The following DDX5 variants were observed in gnomAD, a reference collection of about 807,000 sequenced individuals.
DDX5 encodes probable ATP-dependent RNA helicase DDX5.
DDX5 carries 6 observed loss-of-function variants against 68.6 expected under a neutral mutation model. The observed-to-expected ratio is 0.09, with a 90% CI of 0.05 to 0.17. The LOEUF (loss-of-function observed/expected upper bound fraction) is 0.17. Among genes scored for constraint, DDX5 ranks in the 10% least tolerant of loss-of-function variants. The pLI is 1.00. For missense variants in DDX5, 499 were observed against 756.1 expected (o/e 0.66, Z 3.99); for synonymous variants, 350 against 247.0 (o/e 1.42, Z -3.91).
upstream of DDX5, chr17:64,506,319 A>G: frequency 1.3e-6 from 2 of 1,489,718 alleles, no homozygotes; most frequent in Non-Finnish European, 1.8e-6. Flanking sequence ...CCGCTTTTAT[A>G]GTCTGGACCG....
In DDX5 at chr17:64,506,254, G is replaced by C. The variant is rs1266747970; in HGVS notation, c.-135C>G. ...AAGGACACCGATGACACCAGCCGAA[G>C]CTGCACTACTAGAGACCGGTAGAAA... is the stretch of plus-strand genomic sequence containing the variant. On this transcript the variant is annotated 5_prime_UTR_variant, in exon 1 of 13. Coordinates refer to ENST00000225792, the MANE Select transcript of DDX5 (RefSeq NM_004396.5). 5 of 1,547,154 alleles carry C rather than the reference G, an allele frequency of 3.2e-6. No homozygotes were observed. The highest frequency in any genetic ancestry group is 2.4e-5 in the East Asian group (1 of 41,000).
intron 1 of DDX5, chr17:64,505,423 A>C (rs2038441013): frequency 1.8e-6 from 1 of 545,272 alleles, no homozygotes; most frequent in African/African-American, 1.9e-5. Context: ...AAAGAAAAGG[A>C]GGAGCCGGCG....
Position 64,504,215 on chromosome 17 carries a change from C to A in DDX5, c.307+7G>T. On this transcript the variant is annotated splice_region_variant and intron_variant, in intron 3 of 12. Transcript: ENST00000225792. ...ACGGGTAGGTAGAACTGAAAAGTAGCACTTACCAGGGAAATTGGCTTCATA... is the reference window on the plus strand; with the variant it reads ...ACGGGTAGGTAGAACTGAAAAGTAGAACTTACCAGGGAAATTGGCTTCATA... 6.2e-7 allele frequency: 1 copy of A among 1,613,676 alleles called. No homozygotes were observed. Among genetic ancestry groups the A allele is most frequent in the East Asian group, 2.2e-5 (1 of 44,870 alleles).
chr17:64,500,683 G>A lies in DDX5; in HGVS notation c.1307C>T (p.Thr436Ile), dbSNP rs1568100508. 6.2e-7 allele frequency: 1 copy of A among 1,614,154 alleles called. No individual in the cohort carries two copies. Residue 436 changes from threonine to isoleucine, a missense_variant, in exon 12 of 13, where the codon ACC becomes ATC. Thr to Ile is a moderately conservative substitution (Grantham distance 89, BLOSUM62 -1). Around this residue, in one of 5 missense-constraint regions of DDX5, gnomAD observed 26 missense variants for 128.2 expected, o/e 0.20. Coordinates refer to ENST00000225792, the MANE Select transcript of DDX5 (RefSeq NM_004396.5). ...IHRIGRTARS[T>I]KTGTAYTFFT... ...GAAAGTGTATGCTGTGCCTGTTTTGGTACTGCGAGCAGTTCTTCCAATTCG... is the reference window on the plus strand; with the variant it reads ...GAAAGTGTATGCTGTGCCTGTTTTGATACTGCGAGCAGTTCTTCCAATTCG...
rs372188251 is a variant in DDX5, at chr17:64,505,730, T to C, written c.44+346A>G. 530 of 1,535,790 alleles carry C rather than the reference T, an allele frequency of 3.5e-4. 3 individuals carry two copies. The African/African-American group carries it at 6.7e-3, about 19-fold the overall frequency. ...AATGCCCGGCCACCCCAAAAACACCTCCCGAAACGCCGCACCTAACAGATG... is the reference window on the plus strand; with the variant it reads ...AATGCCCGGCCACCCCAAAAACACCCCCCGAAACGCCGCACCTAACAGATG... On this transcript the variant is annotated intron_variant, in intron 1 of 12. Coordinates refer to ENST00000225792, the MANE Select transcript of DDX5 (RefSeq NM_004396.5).
Position 64,501,992 on chromosome 17 carries a change from A to G in DDX5, c.1216+18T>C. 6.2e-7 allele frequency: 1 copy of G among 1,612,068 alleles called. No homozygotes were observed. The highest frequency in any genetic ancestry group is 8.5e-7 in the Non-Finnish European group (1 of 1,178,860). On this transcript the variant is annotated intron_variant, in intron 11 of 12. Coordinates refer to ENST00000225792, the MANE Select transcript of DDX5 (RefSeq NM_004396.5). ...GATCTTCTGGGAAACCAAGCCATGA[A>G]TGCGAGTTTGTACTAACCTAGCCCT...
chr17:64,503,383 T>C (rs372112034), intron 6 of DDX5, 35 bp from the exon 7 acceptor site: 61 of 1,613,916 alleles, frequency 3.8e-5, no homozygotes, highest in Non-Finnish European at 4.8e-5. Flanking sequence ...CTACAATACC[T>C]AGGATATTTA....
intron 1 of DDX5, chr17:64,505,524 C>T: frequency 1.6e-6 from 1 of 613,252 alleles, no homozygotes; most frequent in Non-Finnish European, 2.9e-6. Flanking sequence ...GCATTTCTCT[C>T]TGCGCCACAT....
chr17:64,505,608 G>C (rs1322070137), intron 1 of DDX5: 2 of 923,828 alleles, frequency 2.2e-6, no homozygotes, highest in African/African-American at 1.7e-5. Context: ...TCCGAGGCCG[G>C]CATTTTGTAC....
chr17:64,505,516 A>G, intron 1 of DDX5: 1 of 602,998 alleles, frequency 1.7e-6, no homozygotes, highest in South Asian at 2.0e-5. Context: ...TTTGTCTCGC[A>G]TTTCTCTCTG....
chr17:64,506,349 C>T (rs1171336466), upstream of DDX5: 1 of 1,451,008 alleles, frequency 6.9e-7, no homozygotes, highest in Non-Finnish European at 9.1e-7. Context: ...CCGCAGGGAA[C>T]GCTGGGAGCC....
At chr17:64,506,040 A>G in intron 1 of DDX5, 36 bp downstream of exon 1, 2 of 353,486 alleles carry the variant, frequency 5.7e-6, no homozygotes, top group Non-Finnish European at 8.8e-6. Context: ...CCATCCCCCC[A>G]CCCGCCAGGC....
At chr17:64,505,783 C>T (rs2038474197) in intron 1 of DDX5, 1 of 1,536,184 alleles carries the variant, frequency 6.5e-7, no homozygotes, top group East Asian at 2.4e-5. Context: ...AAGCGTCCCG[C>T]TTTCATCCGC....
intron 7 of DDX5, 22 bp from the exon 8 acceptor site, chr17:64,503,120 A>T: frequency 6.2e-7 from 1 of 1,611,384 alleles, no homozygotes; most frequent in South Asian, 1.1e-5. Flanking sequence ...TGGGGGGAAA[A>T]ATTAGTATCA....
In DDX5 at chr17:64,503,852, A is replaced by G; in HGVS notation, c.458T>C (p.Ile153Thr). 1 of 1,614,234 alleles carries G rather than the reference A, an allele frequency of 6.2e-7. No homozygotes were observed. ...GKTLSYLLPA[I>T]VHINHQPFLE... ...GAATGGCTGATGATTGATGTGGACA[A>G]TGGCAGGAAGCAAATACTATTTAGG... The change falls in exon 5 of 13, where the codon ATT becomes ACT. Residue 153 changes from isoleucine (I) to threonine (T), a missense_variant. Coordinates refer to ENST00000225792, the MANE Select transcript of DDX5 (RefSeq NM_004396.5).
chr17:64,506,330 C>A (rs1310119345), upstream of DDX5: 2 of 1,471,400 alleles, frequency 1.4e-6, no homozygotes, highest in South Asian at 1.3e-5. Flanking sequence ...GTCTGGACCG[C>A]CTCCTACGCC....
rs1555670622 is a variant in DDX5 at position 64,499,736 on chromosome 17, A to G, written c.*187T>C. 9.9e-6 allele frequency: 5 copies of G among 506,194 alleles called. No homozygotes were observed. The highest frequency in any genetic ancestry group is 1.7e-5 in the Non-Finnish European group (5 of 302,410). The allele number at this position is 506,194 out of a possible 1,614,324, so 31.4% of individuals were successfully genotyped here. A position where few individuals can be genotyped will look rare whatever the true frequency, so the allele number is the denominator to read the frequency against. On this transcript the variant is annotated 3_prime_UTR_variant, in exon 13 of 13. Transcript: ENST00000225792. Reference sequence around the variant, plus strand: ...TGCCTGCATTTTCTAGTACAAAAAAAACCTAAAAATTGTTTCAGGAATGTA... The same window carrying G: ...TGCCTGCATTTTCTAGTACAAAAAAGACCTAAAAATTGTTTCAGGAATGTA...
chr17:64,502,886 G>A (rs1401378735), intron 8 of DDX5, 40 bp downstream of exon 8: 3 of 1,523,232 alleles, frequency 2.0e-6, no homozygotes, highest in East Asian at 2.3e-5. Context: ...TTACAGCAAA[G>A]TTGTTAGGAA....
rs781861374 is a variant in DDX5, at chr17:64,500,027, C to A, written c.1741G>T (p.Val581Phe). The change falls in exon 13 of 13, where the codon GTT (valine) becomes TTT (phenylalanine). Residue 581 changes from valine to phenylalanine, a missense_variant. Val to Phe is a conservative substitution (Grantham distance 50). Coordinates refer to ENST00000225792, the MANE Select transcript of DDX5 (RefSeq NM_004396.5). Reference sequence around the variant, plus strand: ...TTCATACCATTGTGCATATTTGGAACATTACTTCCGTATTGCTGAGTGCTA... The same window carrying A: ...TTCATACCATTGTGCATATTTGGAAAATTACTTCCGTATTGCTGAGTGCTA... ...YDSTQQYGSNVPNMHNGMNQQ... is the reference protein window; with the variant it reads ...YDSTQQYGSNFPNMHNGMNQQ... The A allele has an allele frequency of 1.2e-6, 2 of 1,614,102 alleles. No individual in the cohort carries two copies. The highest frequency in any genetic ancestry group is 1.7e-6 in the Non-Finnish European group (2 of 1,180,046).
Sources: gnomAD v4.1 joint callset for allele counts on GRCh38, gnomAD v4.1.1 for gene constraint, gnomAD v4.1.1 regional missense constraint, MANE v1.5 for transcripts, NCBI Gene and HGNC (gene_info 2026-07-23, HGNC 2026-07-21) for gene names.